KIF6: variants seen among roughly 807,000 people sequenced by gnomAD.
The protein encoded by KIF6 is kinesin family member 6, also known as kinesin-like protein KIF6.
KIF6 carries 106 observed loss-of-function variants against 112.7 expected under a neutral mutation model. The ratio of observed to expected loss-of-function variants is 0.94; its 90% confidence interval spans 0.80 to 1.11. KIF6 has a LOEUF of 1.11. KIF6 is among the 50% of genes least tolerant of loss of function. The probability of loss-of-function intolerance (pLI) is 0.00; values close to 1 mark genes in which losing one functional copy is unlikely to be tolerated. For missense variants in KIF6, 929 were observed against 964.0 expected, an observed-to-expected ratio of 0.96 and a Z score of 0.48; for synonymous variants, 339 against 339.9, an observed-to-expected ratio of 1.00 and a Z score of 0.03.
chr6:39,357,946 T>A (rs377442342), intron 18 of KIF6, among the ~76,000 whole-genome samples: 1 of 152,222 alleles, frequency 6.6e-6, no homozygotes, highest in Non-Finnish European at 1.5e-5. Flanking sequence ...ACGTTGAACA[T>A]GTATTCCTTT....
intron 13 of KIF6, among the ~76,000 whole-genome samples, chr6:39,490,509 C>T (rs1344971053): frequency 6.6e-6 from 1 of 152,132 alleles, no homozygotes; most frequent in Non-Finnish European, 1.5e-5. Flanking sequence ...AATGACTTGG[C>T]TACACTAACC....
intron 9 of KIF6, 122 bp downstream of exon 9, chr6:39,584,776 A>G (rs1289550951): frequency 3.4e-6 from 2 of 594,426 alleles, no homozygotes; most frequent in Non-Finnish European, 5.9e-6. Flanking sequence ...AGAGGATTAA[A>G]TGAGTTAATA....
chr6:39,677,386 A>G (rs1787209745), intron 3 of KIF6, among the ~76,000 whole-genome samples: 1 of 152,172 alleles, frequency 6.6e-6, no homozygotes, highest in African/African-American at 2.4e-5. Flanking sequence ...GATAAATCAA[A>G]CAGAAAAAAA....
In KIF6 at chr6:39,431,431, A is replaced by T. The variant is rs541462401; in HGVS notation, c.1646-270T>A. Reference sequence around the variant, plus strand: ...GGGTTTGGAATGCCTGCTCGGGGGAAATGAAAACCACAGCGCCAAGCCCTG... The same window carrying T: ...GGGTTTGGAATGCCTGCTCGGGGGATATGAAAACCACAGCGCCAAGCCCTG... On this transcript the variant is annotated intron_variant, in intron 13 of 22. Coordinates refer to ENST00000287152, the MANE Select transcript of KIF6 (RefSeq NM_145027.6). 5 of 338,224 alleles carry T rather than the reference A, an allele frequency of 1.5e-5. No individual in the cohort carries two copies. In the East Asian group the frequency reaches 2.4e-4, roughly 16 times the overall value. The allele number at this position is 338,224 out of a possible 1,614,324, so 21.0% of individuals were successfully genotyped here. A position where few individuals can be genotyped will look rare whatever the true frequency, so the allele number is the denominator to read the frequency against.
intron 15 of KIF6, among the ~76,000 whole-genome samples, chr6:39,392,483 T>C (rs1393243814): frequency 6.6e-6 from 1 of 152,236 alleles, no homozygotes; most frequent in African/African-American, 2.4e-5. Context: ...CCTTAAAGTA[T>C]GTTGAGGATA....
chr6:39,396,090 A>G (rs1204104477), intron 15 of KIF6, among the ~76,000 whole-genome samples: 1 of 152,232 alleles, frequency 6.6e-6, no homozygotes, highest in Non-Finnish European at 1.5e-5. Context: ...GCTGGCCTGT[A>G]AAATAATTGC....
At chr6:39,476,814 T>G (rs1413575020) in intron 13 of KIF6, among the ~76,000 whole-genome samples, 1 of 152,248 alleles carries the variant, frequency 6.6e-6, no homozygotes, top group African/African-American at 2.4e-5. Flanking sequence ...AGAATACTGT[T>G]TGTAATCTTT....
chr6:39,385,836 C>G (rs1280865225), intron 15 of KIF6, among the ~76,000 whole-genome samples, 164 bp from the exon 16 acceptor site: 2 of 151,816 alleles, frequency 1.3e-5, no homozygotes, highest in African/African-American at 2.4e-5. Flanking sequence ...ATTCCTAGAT[C>G]GTGTTGGAAG....
At position 39,427,501 on chromosome 6, in the gene KIF6, G is replaced by C. The variant is rs537575767; in HGVS notation, c.1754+3552C>G. ...AATAAGAGCTCCAATCCTAAGAAAG[G>C]GGTAGGTTCTGGGTTACATCCCCTA... On this transcript the variant is annotated intron_variant, in intron 14 of 22. Transcript: ENST00000287152. 3.3e-4 allele frequency among the ~76,000 whole-genome samples: 50 copies of C among 152,162 alleles called. 1 individual carries two copies. The South Asian group carries it at 0.01, about 32-fold the overall frequency.
chr6:39,347,509 A>G (rs548173956), intron 19 of KIF6, among the ~76,000 whole-genome samples: 1 of 152,360 alleles, frequency 6.6e-6, no homozygotes, highest in South Asian at 2.1e-4. Context: ...AGGCCAGTGT[A>G]TTCCACATGC....
chr6:39,591,920 G>A (rs1056126614), intron 7 of KIF6, among the ~76,000 whole-genome samples: 1 of 152,124 alleles, frequency 6.6e-6, no homozygotes, highest in Non-Finnish European at 1.5e-5. Flanking sequence ...AGACCATCCT[G>A]GCTAACATGG....
intron 3 of KIF6, among the ~76,000 whole-genome samples, chr6:39,709,771 G>A (rs535428022): frequency 6.6e-6 from 1 of 152,266 alleles, no homozygotes; most frequent in South Asian, 2.1e-4. Flanking sequence ...AAAGTGGTCA[G>A]ATTTTATGTT....
intron 6 of KIF6, among the ~76,000 whole-genome samples, chr6:39,607,087 A>G (rs1460284946): frequency 6.6e-6 from 1 of 152,184 alleles, no homozygotes; most frequent in African/African-American, 2.4e-5. Context: ...GTGAATGTCA[A>G]TAATACTGAA....
intron 6 of KIF6, among the ~76,000 whole-genome samples, chr6:39,601,913 C>A (rs1782596917): frequency 1.3e-5 from 2 of 152,010 alleles, no homozygotes; most frequent in African/African-American, 2.4e-5. Flanking sequence ...CAACAACATT[C>A]CCAGAAGACC....
At chr6:39,480,002 A>G (rs771468972) in intron 13 of KIF6, among the ~76,000 whole-genome samples, 2 of 152,194 alleles carry the variant, frequency 1.3e-5, no homozygotes, top group Non-Finnish European at 1.5e-5. Context: ...ACAAACACCT[A>G]TAGTTTCACT....
rs536309005 is a variant in KIF6 at position 39,578,192 on chromosome 6, A to G, written c.1078-33T>C. The G allele has an allele frequency of 4.4e-6, 6 of 1,373,726 alleles. No homozygotes were observed. In the East Asian group the frequency reaches 9.1e-5, roughly 21 times the overall value. The allele number at this position is 1,373,726 out of a possible 1,614,324, so 85.1% of individuals were successfully genotyped here. A position where few individuals can be genotyped will look rare whatever the true frequency, so the allele number is the denominator to read the frequency against. ...TGGCAAAGAGGCAGAGAAAATGTCA[A>G]CTTCTCATTAAGGTGAACTTGGTGA... On this transcript the variant is annotated intron_variant, in intron 9 of 22. Transcript: ENST00000287152.
chr6:39,447,608 G>T (rs1772411543), intron 13 of KIF6, among the ~76,000 whole-genome samples: 1 of 152,044 alleles, frequency 6.6e-6, no homozygotes, highest in South Asian at 2.1e-4. Flanking sequence ...TAGTGTGACT[G>T]GCAGCGTAGG....
At chr6:39,481,999 C>A (rs973449145) in intron 13 of KIF6, among the ~76,000 whole-genome samples, 1 of 144,628 alleles carries the variant, frequency 6.9e-6, no homozygotes, top group Non-Finnish European at 1.5e-5. Context: ...GACAACGGGA[C>A]CTTTAGGCAC....
rs753126808 is a variant in KIF6 at position 39,544,653 on chromosome 6, A to G, written c.1328T>C (p.Val443Ala). The G allele has an allele frequency of 6.2e-7, 1 of 1,609,318 alleles. No homozygotes were observed. Among genetic ancestry groups the G allele is most frequent in the Non-Finnish European group, 8.5e-7 (1 of 1,178,312 alleles). ...ATCTTGGTCTTTGCTTTCAGAGGAG[A>G]CTGTATTGTTTTCAAGGATCTTCTT... ...NDKKILENNT[V>A]SSESKDQDCQ... is the part of the protein sequence containing the mutation. The change falls in exon 12 of 23, where the codon GTC becomes GCC. Residue 443 changes from valine to alanine, a missense_variant. By Grantham distance (64) the Val-to-Ala change is moderately conservative. Coordinates refer to ENST00000287152, the MANE Select transcript of KIF6 (RefSeq NM_145027.6).
Sources: gnomAD v4.1 joint callset for allele counts (sites outside exome capture counted in the v4.1 genomes callset) on GRCh38, gnomAD v4.1.1 for gene constraint, MANE v1.5 for transcripts, NCBI Gene and HGNC (gene_info 2026-07-23, HGNC 2026-07-21) for gene names.